The following ZNF605 variants were observed in gnomAD, a reference collection of about 807,000 sequenced individuals.
The protein encoded by ZNF605 is zinc finger protein 605.
In ZNF605, 9 loss-of-function variants were observed where a neutral mutation model predicts 7.9. The observed-to-expected ratio is 1.14, with a 90% CI of 0.68 to 1.98. ZNF605 has a LOEUF of 1.98. Ranked by LOEUF, ZNF605 falls within the 30% of genes most tolerant of loss-of-function variation. ZNF605 has a pLI of 0.00. For synonymous variants in ZNF605, 255 were observed against 260.1 expected (o/e 0.98, Z 0.19); for missense variants, 673 against 762.4 (o/e 0.88, Z 1.38).
chr12:132,932,609 A>C (rs1252217891), intron 4 of ZNF605: 3 of 721,418 alleles, frequency 4.2e-6, no homozygotes, highest in Non-Finnish European at 6.6e-6. Context: ...AGATTCAGGA[A>C]CTTTAAACAC....
intron 4 of ZNF605, among the ~76,000 whole-genome samples, chr12:132,929,737 G>C (rs966375894): frequency 1.3e-5 from 2 of 152,120 alleles, no homozygotes; most frequent in African/African-American, 2.4e-5. Context: ...ACGAGGTCAA[G>C]GGATCGAGAC....
rs551293320 is a variant in ZNF605, at chr12:132,928,605, T to C, written c.137-1443A>G. On this transcript the variant is annotated intron_variant, in intron 4 of 4. Coordinates refer to ENST00000360187, the MANE Select transcript of ZNF605 (RefSeq NM_183238.4). ...GATTTCTACAAGACCATTTATTGCA[T>C]ATTTTAAAGGTTTATTTACTTGACT... Among the ~76,000 whole-genome samples, 54 of 152,356 alleles carry C rather than the reference T, an allele frequency of 3.5e-4. 1 individual carries two copies. In the South Asian group the frequency reaches 0.01, roughly 29 times the overall value.
Position 132,932,923 on chromosome 12 carries a change from T to C in ZNF605, c.136+112A>G, listed in dbSNP as rs1952322102. The C allele has an allele frequency of 1.4e-5, 19 of 1,404,780 alleles. No homozygotes were observed. In the South Asian group the frequency reaches 2.8e-4, roughly 21 times the overall value. The allele number at this position is 1,404,780 out of a possible 1,614,324, so 87.0% of individuals were successfully genotyped here. On this transcript the variant is annotated intron_variant, in intron 4 of 4. Transcript: ENST00000360187. ...AAGCAAGTGAATGAAAATCTTTCAA[T>C]TCAGTATAAAAGTCAAATAATCTTT... is the stretch of plus-strand genomic sequence containing the variant.
chr12:132,932,712 C>T, intron 4 of ZNF605: 1 of 1,524,958 alleles, frequency 6.6e-7, no homozygotes, highest in Non-Finnish European at 8.8e-7. Context: ...TTATTCCTCA[C>T]CTGAAAAGTT....
intron 4 of ZNF605, among the ~76,000 whole-genome samples, chr12:132,932,558 A>T (rs1952318604): frequency 6.6e-6 from 1 of 152,212 alleles, no homozygotes. Context: ...TATGGAGCAC[A>T]TCCATTAAAA....
At chr12:132,930,906 T>C (rs1463938814) in intron 4 of ZNF605, among the ~76,000 whole-genome samples, 2 of 152,176 alleles carry the variant, frequency 1.3e-5, no homozygotes, top group Non-Finnish European at 2.9e-5. Flanking sequence ...TTCCCTGCTG[T>C]GCATTATGGC....
chr12:132,939,611 C>G (rs1952411191), intron 3 of ZNF605, among the ~76,000 whole-genome samples: 1 of 152,134 alleles, frequency 6.6e-6, no homozygotes, highest in African/African-American at 2.4e-5. Flanking sequence ...CAATCAGCGC[C>G]CTGACAAAAC....
intron 3 of ZNF605, among the ~76,000 whole-genome samples, chr12:132,942,836 G>A (rs371440830): frequency 6.6e-6 from 1 of 152,334 alleles, no homozygotes; most frequent in African/African-American, 2.4e-5. Flanking sequence ...CGTCTTTCCT[G>A]GCATGGCAAC....
At chr12:132,938,897 G>A (rs1300293685) in intron 3 of ZNF605, among the ~76,000 whole-genome samples, 2 of 152,142 alleles carry the variant, frequency 1.3e-5, no homozygotes, top group Non-Finnish European at 2.9e-5. Context: ...TAGCACCCGG[G>A]CCAGTGGCTG....
In ZNF605 at chr12:132,923,187, A is replaced by G. The variant is rs1193128566; in HGVS notation, c.*2186T>C. The stretch of plus-strand genomic sequence containing the variant: ...CTAAATAAACTCCAAATACGTTATC[A>G]TTACTTTGGCTTTAAGCAGCCAATT... On this transcript the variant is annotated 3_prime_UTR_variant, in exon 5 of 5. Coordinates refer to ENST00000360187, the MANE Select transcript of ZNF605 (RefSeq NM_183238.4). 6.6e-6 allele frequency: 1 copy of G among 152,216 alleles called. No individual in the cohort carries two copies. The highest frequency in any genetic ancestry group is 6.5e-5 in the Admixed American group (1 of 15,282). 9.4% of individuals were successfully genotyped at this position (152,216 alleles called of 1,614,324 possible).
chr12:132,933,228 T>G lies in ZNF605; in HGVS notation c.16-73A>C. 6.6e-7 allele frequency: 1 copy of G among 1,511,136 alleles called. No individual in the cohort carries two copies. Among genetic ancestry groups the G allele is most frequent in the Non-Finnish European group, 8.9e-7 (1 of 1,124,290 alleles). The allele number at this position is 1,511,136 out of a possible 1,614,324, so 93.6% of individuals were successfully genotyped here. The stretch of plus-strand genomic sequence containing the variant: ...CTTGTAAAATACTTTCTTCTGTATT[T>G]GTGGTAGGTGGCCTCTAAGATGGCC... On this transcript the variant is annotated intron_variant, in intron 3 of 4. Coordinates refer to ENST00000360187, the MANE Select transcript of ZNF605 (RefSeq NM_183238.4). This position sits in a 1 kb window ranked among gnomAD's most constrained non-coding sequence, Gnocchi z 4.4.
At position 132,954,652 on chromosome 12, in the gene ZNF605, G is replaced by A. The variant is rs372896770; in HGVS notation, c.-286+1591C>T. On this transcript the variant is annotated intron_variant, in intron 1 of 4. Coordinates refer to ENST00000360187, the MANE Select transcript of ZNF605 (RefSeq NM_183238.4). ...CAGGGATCCCTAATCCCTTATCCCC[G>A]GGGCCCCCAAGCATTCGCCCCCATG... Among the ~76,000 whole-genome samples the A allele has an allele frequency of 9.4e-4, 142 of 151,002 alleles. 4 individuals are homozygous for A. The East Asian group carries it at 0.016, about 17-fold the overall frequency.
intron 3 of ZNF605, among the ~76,000 whole-genome samples, chr12:132,937,969 C>T (rs1952384886): frequency 6.7e-6 from 1 of 148,416 alleles, no homozygotes; most frequent in Non-Finnish European, 1.5e-5. Context: ...CATATGTGAT[C>T]CCATTTATTT....
intron 4 of ZNF605, among the ~76,000 whole-genome samples, chr12:132,932,356 G>T (rs990323292): frequency 2.0e-5 from 3 of 152,090 alleles, no homozygotes; most frequent in Admixed American, 6.6e-5. Context: ...TAAATTAAAA[G>T]TTTGAAGTTT....
chr12:132,952,396 G>C (rs1952582353), intron 1 of ZNF605, among the ~76,000 whole-genome samples: 1 of 150,844 alleles, frequency 6.6e-6, no homozygotes, highest in African/African-American at 2.5e-5. Flanking sequence ...AGGAGATGGA[G>C]GTTGCAGTGA....
intron 1 of ZNF605, among the ~76,000 whole-genome samples, chr12:132,956,032 G>A (rs1952633500): frequency 1.2e-5 from 1 of 84,786 alleles, no homozygotes; most frequent in South Asian, 4.6e-4. Context: ...ACCCCCGCGC[G>A]CCCCCAGAGC....
intron 3 of ZNF605, among the ~76,000 whole-genome samples, chr12:132,942,181 CTG>C (rs1952449708): frequency 6.6e-6 from 1 of 152,146 alleles, no homozygotes; most frequent in Admixed American, 6.6e-5. Context: ...CAAAACAAAA[CTG>C]GCATCTGGGA....
At chr12:132,940,103 C>A (rs11147173) in intron 3 of ZNF605, among the ~76,000 whole-genome samples, 1,750 of 152,290 alleles carry the variant, frequency 0.011, 8 homozygotes, top group Non-Finnish European at 0.018. Flanking sequence ...AGAACCCACC[C>A]ATTCTGGACA....
rs1952324644 is a variant in ZNF605 at position 132,933,279 on chromosome 12, A to G, written c.16-124T>C. 2 of 1,078,074 alleles carry G rather than the reference A, an allele frequency of 1.9e-6. No individual in the cohort carries two copies. The highest frequency in any genetic ancestry group is 5.3e-5 in the Admixed American group (2 of 37,482). 66.8% of individuals were successfully genotyped at this position (1,078,074 alleles called of 1,614,324 possible). ...CCAGTGACCTCTGACTCCGGTATTCATGCTTTTGCATAATCCTCCCCTCTT... is the reference window on the plus strand; with the variant it reads ...CCAGTGACCTCTGACTCCGGTATTCGTGCTTTTGCATAATCCTCCCCTCTT... On this transcript the variant is annotated intron_variant, in intron 3 of 4. Transcript: ENST00000360187. This position sits in a 1 kb window ranked among gnomAD's most constrained non-coding sequence, Gnocchi z 4.4.
Sources: allele counts gnomAD v4.1 joint callset (sites outside exome capture counted in the v4.1 genomes callset), GRCh38; gene constraint gnomAD v4.1.1; non-coding constraint Gnocchi (gnomAD v3.1); transcripts MANE v1.5; gene names NCBI Gene and HGNC (gene_info 2026-07-23, HGNC 2026-07-21).